PRORP: variants seen among roughly 807,000 people sequenced by gnomAD.
The protein encoded by PRORP is protein only RNase P catalytic subunit.
In PRORP, 51 loss-of-function variants were observed where a neutral mutation model predicts 59.4. The observed-to-expected ratio is 0.86, with a 90% CI of 0.69 to 1.08. The LOEUF is 1.08. Ranked by LOEUF, PRORP falls within the 50% of genes least tolerant of loss-of-function variation. The probability of loss-of-function intolerance (pLI) is 0.00; values close to 1 mark genes in which losing one functional copy is unlikely to be tolerated. For synonymous variants in PRORP, 231 were observed against 245.6 expected, an observed-to-expected ratio of 0.94 and a Z score of 0.55; for missense variants, 646 against 690.3, an observed-to-expected ratio of 0.94 and a Z score of 0.72.
intron 5 of PRORP, among the ~76,000 whole-genome samples, chr14:35,258,822 C>T (rs758211270): frequency 1.3e-5 from 2 of 152,098 alleles, no homozygotes; most frequent in Non-Finnish European, 2.9e-5. Context: ...TGTATCCTTC[C>T]GGTATTATCA....
chr14:35,200,780 C>A (rs2049128581), intron 5 of PRORP, among the ~76,000 whole-genome samples: 1 of 151,596 alleles, frequency 6.6e-6, no homozygotes, highest in African/African-American at 2.4e-5. Context: ...TACCCCACAC[C>A]CAGTTTTTTC....
At chr14:35,262,374 A>G in intron 5 of PRORP, 1 of 314,418 alleles carries the variant, frequency 3.2e-6, no homozygotes, top group Non-Finnish European at 6.2e-6. Context: ...TTTGCCTTTT[A>G]TTACTAGCCC....
At chr14:35,265,759 T>G (rs771703253) in intron 5 of PRORP, among the ~76,000 whole-genome samples, 1 of 152,096 alleles carries the variant, frequency 6.6e-6, no homozygotes, top group African/African-American at 2.4e-5. Flanking sequence ...ACCAATATGA[T>G]AAATATATAA....
chr14:35,231,243 T>C (rs901497466), intron 5 of PRORP, among the ~76,000 whole-genome samples: 1 of 152,218 alleles, frequency 6.6e-6, no homozygotes, highest in Non-Finnish European at 1.5e-5. Flanking sequence ...TTTTTTAATC[T>C]ACTAAACTCC....
chr14:35,218,226 G>A (rs2049656493), intron 5 of PRORP, among the ~76,000 whole-genome samples: 1 of 151,922 alleles, frequency 6.6e-6, no homozygotes, highest in South Asian at 2.1e-4. Context: ...TTGGGAAGCC[G>A]AGGTGGGAGG....
At chr14:35,133,766 A>G (rs1566446862) in intron 4 of PRORP, among the ~76,000 whole-genome samples, 1 of 152,226 alleles carries the variant, frequency 6.6e-6, no homozygotes, top group Non-Finnish European at 1.5e-5. Context: ...GAACAAGATC[A>G]GGGAGAATTC....
rs187518286 is a variant in PRORP, at chr14:35,198,817, G to A, written c.1275+18040G>A. Among the ~76,000 whole-genome samples the A allele has an allele frequency of 1.7e-3, 259 of 151,838 alleles. 2 individuals are homozygous for A. Among genetic ancestry groups the A allele is most frequent in the African/African-American group, 6.0e-3 (247 of 41,402 alleles). On this transcript the variant is annotated intron_variant, in intron 5 of 7. Transcript: ENST00000534898. ...GGGAGGCTGAGCGGGCAGATCACGAGGTCAAGAGATTGAGACCATCCTGGC... is the reference window on the plus strand; with the variant it reads ...GGGAGGCTGAGCGGGCAGATCACGAAGTCAAGAGATTGAGACCATCCTGGC...
intron 4 of PRORP, among the ~76,000 whole-genome samples, chr14:35,172,523 C>CTT (rs2048347492): frequency 7.9e-6 from 1 of 126,668 alleles, no homozygotes; most frequent in South Asian, 2.6e-4. Flanking sequence ...TCCCTCTCTC[C>CTT]CTCTCTCTCC....
chr14:35,155,119 C>T (rs918627496), intron 4 of PRORP, among the ~76,000 whole-genome samples: 18 of 152,244 alleles, frequency 1.2e-4, no homozygotes, highest in African/African-American at 4.3e-4. Flanking sequence ...GTCTCGAACT[C>T]GTGGGCTCAA....
chr14:35,165,732 T>C (rs768740534), intron 4 of PRORP, among the ~76,000 whole-genome samples: 13 of 151,846 alleles, frequency 8.6e-5, no homozygotes, highest in Non-Finnish European at 1.8e-4. Context: ...CAGGCTGGAG[T>C]GCAGTGGCAT....
At chr14:35,176,143 A>G (rs1462368687) in intron 4 of PRORP, among the ~76,000 whole-genome samples, 1 of 151,966 alleles carries the variant, frequency 6.6e-6, no homozygotes, top group Non-Finnish European at 1.5e-5. Context: ...GGTTACTATA[A>G]CCTTGTAGTA....
rs1485475976 is a variant in PRORP, at chr14:35,157,247, G to A, written c.1168-23423G>A. ...TGGGATTACAGGCGTGAGCCACCGC[G>A]CCCGGACGTTCATTTTTTTCAAAAT... On this transcript the variant is annotated intron_variant, in intron 4 of 7. Coordinates refer to ENST00000534898, the MANE Select transcript of PRORP (RefSeq NM_014672.4). Among the ~76,000 whole-genome samples the A allele has an allele frequency of 3.3e-5, 5 of 151,830 alleles. No individual in the cohort carries two copies. In the East Asian group the frequency reaches 9.7e-4, roughly 29 times the overall value.
rs533247481 is a variant in PRORP, at chr14:35,256,534, G to T, written c.1276-10193G>T. ...TTTAGTAGAGATGGGGCTTCACCAT[G>T]TTGGTCAGTCTGGTCTCGAACTCCT... On this transcript the variant is annotated intron_variant, in intron 5 of 7. Coordinates refer to ENST00000534898, the MANE Select transcript of PRORP (RefSeq NM_014672.4). Among the ~76,000 whole-genome samples the T allele has an allele frequency of 2.4e-4, 36 of 151,742 alleles. No individual in the cohort carries two copies. In the South Asian group the frequency reaches 7.5e-3, roughly 32 times the overall value.
chr14:35,209,639 C>G (rs1053300716), intron 5 of PRORP, among the ~76,000 whole-genome samples: 7 of 152,000 alleles, frequency 4.6e-5, no homozygotes, highest in Non-Finnish European at 7.4e-5. Flanking sequence ...CAGGTTCAAG[C>G]GATTCTCCTG....
At chr14:35,258,930 T>C (rs1373895546) in intron 5 of PRORP, among the ~76,000 whole-genome samples, 1 of 152,246 alleles carries the variant, frequency 6.6e-6, no homozygotes, top group African/African-American at 2.4e-5. Context: ...TTAGCTATTC[T>C]ACTTCCTTTG....
At chr14:35,230,394 A>T (rs1425139785) in intron 5 of PRORP, among the ~76,000 whole-genome samples, 1 of 152,208 alleles carries the variant, frequency 6.6e-6, no homozygotes, top group Non-Finnish European at 1.5e-5. Flanking sequence ...GCAGTATCAC[A>T]TAGCTTTCAA....
intron 5 of PRORP, among the ~76,000 whole-genome samples, chr14:35,256,192 G>T (rs577834006): frequency 1.4e-3 from 207 of 148,880 alleles, no homozygotes; most frequent in African/African-American, 4.9e-3. Context: ...GCTGAGGCAG[G>T]AGAATCGCTT....
At chr14:35,262,178 T>TATA (rs1432980899) in intron 5 of PRORP, among the ~76,000 whole-genome samples, 3 of 151,678 alleles carry the variant, frequency 2.0e-5, no homozygotes, top group Non-Finnish European at 4.4e-5. Context: ...ATAATTTTAT[T>TATA]ATTATTATTA....
intron 5 of PRORP, among the ~76,000 whole-genome samples, chr14:35,263,660 C>G (rs2050964494): frequency 1.3e-5 from 2 of 152,064 alleles, no homozygotes; most frequent in South Asian, 4.1e-4. Context: ...TGCACTCCAG[C>G]CTGGGTGACA....
Sources: gnomAD v4.1 joint callset for allele counts (sites outside exome capture counted in the v4.1 genomes callset) on GRCh38, gnomAD v4.1.1 for gene constraint, MANE v1.5 for transcripts, NCBI Gene and HGNC (gene_info 2026-07-23, HGNC 2026-07-21) for gene names.